The following ASIC2 variants were observed in gnomAD, a reference collection of about 807,000 sequenced individuals.
The protein encoded by ASIC2 is acid sensing ion channel subunit 2.
In ASIC2, 25 loss-of-function variants were observed where a neutral mutation model predicts 57.3. That is an observed-to-expected ratio of 0.44 (90% confidence interval 0.32 to 0.61). The LOEUF (loss-of-function observed/expected upper bound fraction) is 0.61, where lower values mean the gene tolerates loss of function less well. Ranked by LOEUF, ASIC2 falls within the 20% of genes least tolerant of loss-of-function variation. The pLI is 0.06. For missense variants in ASIC2, 641 were observed against 738.1 expected, an observed-to-expected ratio of 0.87 and a Z score of 1.52; for synonymous variants, 319 against 307.5, an observed-to-expected ratio of 1.04 and a Z score of -0.39.
At chr17:34,126,817 G>A (rs536776912) in intron 1 of ASIC2, among the ~76,000 whole-genome samples, 1 of 152,322 alleles carries the variant, frequency 6.6e-6, no homozygotes, top group East Asian at 1.9e-4. Flanking sequence ...TTTCTGCAGA[G>A]CTGAGCGGGG....
chr17:33,078,716 C>A (rs1176034338), intron 3 of ASIC2, among the ~76,000 whole-genome samples: 1 of 152,174 alleles, frequency 6.6e-6, no homozygotes, highest in African/African-American at 2.4e-5. Context: ...GTATGAGCCA[C>A]CACACCCAGC....
At chr17:33,692,445 T>C (rs541375810) in intron 1 of ASIC2, 22 of 152,320 alleles carry the variant, frequency 1.4e-4, no homozygotes, top group Admixed American at 2.6e-4. Context: ...GTCCTAACAG[T>C]AGCTATGATT....
chr17:33,102,983 C>T (rs2092218687), intron 2 of ASIC2, among the ~76,000 whole-genome samples: 2 of 152,286 alleles, frequency 1.3e-5, no homozygotes, highest in African/African-American at 2.4e-5. Context: ...CAGGGTTTCA[C>T]CATGTTCGCC....
At position 33,746,620 on chromosome 17, in the gene ASIC2, C is replaced by T. The variant is rs116924482; in HGVS notation, c.555+409358G>A. Among the ~76,000 whole-genome samples the T allele has an allele frequency of 8.1e-3, 1,226 of 151,750 alleles. 8 individuals are homozygous for T. Among genetic ancestry groups the T allele is most frequent in the Non-Finnish European group, 0.012 (830 of 67,862 alleles). ...TTGAAGGGAGAAATAGACAGCTGAA[C>T]AATAATGGTTAGAGGCTTTAATACC... On this transcript the variant is annotated intron_variant, in intron 1 of 9. Transcript: ENST00000359872.
chr17:33,049,643 T>A (rs116080143), intron 3 of ASIC2, among the ~76,000 whole-genome samples: 2,034 of 152,230 alleles, frequency 0.013, 38 homozygotes, highest in African/African-American at 0.047. Flanking sequence ...GCAGCTGTTG[T>A]TATTATTGCC....
intron 1 of ASIC2, among the ~76,000 whole-genome samples, chr17:33,808,005 G>A (rs977485315): frequency 1.6e-4 from 24 of 152,230 alleles, no homozygotes; most frequent in African/African-American, 5.3e-4. Flanking sequence ...TTCTGTTGAT[G>A]GTGTCTTTCA....
At chr17:33,182,856 G>A (rs1337388558) in intron 1 of ASIC2, among the ~76,000 whole-genome samples, 1 of 152,054 alleles carries the variant, frequency 6.6e-6, no homozygotes, top group Non-Finnish European at 1.5e-5. Context: ...GCCCAAACTC[G>A]CCCAGGTTTC....
intron 1 of ASIC2, among the ~76,000 whole-genome samples, chr17:33,380,564 G>A (rs796424390): frequency 2.6e-5 from 4 of 152,316 alleles, no homozygotes; most frequent in African/African-American, 9.6e-5. Flanking sequence ...TTTACATCCA[G>A]AATCTATATT....
At chr17:33,830,816 CA>C (rs1913084336) in intron 1 of ASIC2, among the ~76,000 whole-genome samples, 1 of 151,856 alleles carries the variant, frequency 6.6e-6, no homozygotes, top group Non-Finnish European at 1.5e-5. Flanking sequence ...ATTTACATTT[CA>C]AAAGCAAGTC....
intron 1 of ASIC2, among the ~76,000 whole-genome samples, chr17:34,065,274 G>A (rs1350655630): frequency 2.6e-5 from 4 of 152,178 alleles, no homozygotes; most frequent in Non-Finnish European, 4.4e-5. Context: ...AGTAACTCAG[G>A]AATGGAAAAC....
intron 1 of ASIC2, among the ~76,000 whole-genome samples, chr17:33,468,688 C>A (rs1166038733): frequency 1.3e-5 from 2 of 151,608 alleles, no homozygotes; most frequent in Admixed American, 6.6e-5. Context: ...ACCCCACCCC[C>A]CACACACATA....
At chr17:33,761,161 C>T (rs932609071) in intron 1 of ASIC2, among the ~76,000 whole-genome samples, 2 of 152,186 alleles carry the variant, frequency 1.3e-5, no homozygotes, top group African/African-American at 4.8e-5. Context: ...TTCTCTATGT[C>T]CAAACTTTCT....
chr17:33,980,273 G>T lies in ASIC2; in HGVS notation c.555+175705C>A, dbSNP rs185134520. On this transcript the variant is annotated intron_variant, in intron 1 of 9. Coordinates refer to the ASIC2 transcript ENST00000359872. ...ACTCAAGAGCCCAAGGACAGACAGA[G>T]CTCAAGCAAGTCTCTGAGTGAGGGA... Among the ~76,000 whole-genome samples the T allele has an allele frequency of 2.4e-4, 36 of 152,236 alleles. No individual in the cohort carries two copies. The East Asian group carries it at 3.7e-3, about 16-fold the overall frequency.
At chr17:33,475,003 G>A (rs1408547421) in intron 1 of ASIC2, among the ~76,000 whole-genome samples, 1 of 152,058 alleles carries the variant, frequency 6.6e-6, no homozygotes, top group African/African-American at 2.4e-5. Flanking sequence ...ATCCTCTCCA[G>A]GATGGTTTTT....
At chr17:34,141,705 T>G (rs1202536039) in intron 1 of ASIC2, among the ~76,000 whole-genome samples, 1 of 152,200 alleles carries the variant, frequency 6.6e-6, no homozygotes, top group Non-Finnish European at 1.5e-5. Context: ...TAAGCGTTGG[T>G]AAATTCTTGC....
intron 1 of ASIC2, among the ~76,000 whole-genome samples, chr17:33,923,665 G>T (rs1915758456): frequency 6.6e-6 from 1 of 152,168 alleles, no homozygotes; most frequent in East Asian, 1.9e-4. Context: ...TGGGGCTCAG[G>T]GTTCAGGGAT....
At chr17:33,970,920 G>T (rs1160824296) in intron 1 of ASIC2, among the ~76,000 whole-genome samples, 1 of 152,146 alleles carries the variant, frequency 6.6e-6, no homozygotes. Flanking sequence ...GCTGACAGCA[G>T]ATTCATCGCC....
intron 1 of ASIC2, among the ~76,000 whole-genome samples, chr17:33,272,651 A>G (rs1359927503): frequency 6.6e-6 from 1 of 152,078 alleles, no homozygotes; most frequent in Non-Finnish European, 1.5e-5. Context: ...CATCACCAAC[A>G]TTGTCATCAC....
chr17:33,960,256 G>A (rs908965284), intron 1 of ASIC2, among the ~76,000 whole-genome samples: 2 of 152,220 alleles, frequency 1.3e-5, no homozygotes, highest in African/African-American at 4.8e-5. Context: ...TGAGAATGAA[G>A]CCAACACAGA....
Sources: gnomAD v4.1 joint callset for allele counts (sites outside exome capture counted in the v4.1 genomes callset) on GRCh38, gnomAD v4.1.1 for gene constraint, MANE v1.5 for transcripts, NCBI Gene and HGNC (gene_info 2026-07-23, HGNC 2026-07-21) for gene names.